The following ANXA6 variants were observed in gnomAD, a reference collection of about 807,000 sequenced individuals.
ANXA6 encodes the protein 67 kDa calelectrin.
ANXA6 carries 71 observed loss-of-function variants against 95.4 expected under a neutral mutation model. That is an observed-to-expected ratio of 0.74 (90% CI 0.61 to 0.91). The LOEUF (loss-of-function observed/expected upper bound fraction) is 0.91, where lower values mean the gene tolerates loss of function less well. ANXA6 is among the 40% of genes least tolerant of loss of function. ANXA6 has a pLI of 0.00. For synonymous variants in ANXA6, 289 were observed against 315.9 expected (o/e 0.91, Z 0.90); for missense variants, 830 against 876.4 (o/e 0.95, Z 0.67).
intron 1 of ANXA6, chr5:151,154,742 T>C (rs1766193468): frequency 6.6e-6 from 1 of 152,236 alleles, no homozygotes; most frequent in Non-Finnish European, 1.5e-5. Context: ...GAACCATTGA[T>C]CCTAGGACTG....
chr5:151,136,336 C>T lies in ANXA6; in HGVS notation c.410-1G>A. Reference sequence around the variant, plus strand: ...TCAGCCTCCAGGTCCCGCTCGTAGGCTGCAGAAAGGAACGCAAGCTCTAGT... The same window carrying T: ...TCAGCCTCCAGGTCCCGCTCGTAGGTTGCAGAAAGGAACGCAAGCTCTAGT... On this transcript the variant is annotated splice_acceptor_variant, in intron 6 of 25. Transcript: ENST00000354546. LOFTEE classifies it high-confidence loss of function. 6.2e-7 allele frequency: 1 copy of T among 1,613,856 alleles called. No individual in the cohort carries two copies. Among genetic ancestry groups the T allele is most frequent in the South Asian group, 1.1e-5 (1 of 91,082 alleles).
chr5:151,132,422 G>T, intron 10 of ANXA6, 54 bp downstream of exon 10: 1 of 1,346,400 alleles, frequency 7.4e-7, no homozygotes, highest in Non-Finnish European at 1.0e-6. Flanking sequence ...CTTGTTCCTA[G>T]GCCAGTGTTC....
At chr5:151,127,032 AG>A (rs113061604) in intron 13 of ANXA6, among the ~76,000 whole-genome samples, 35 of 152,338 alleles carry the variant, frequency 2.3e-4, no homozygotes, top group African/African-American at 8.2e-4. Flanking sequence ...CTGGCTTTTA[AG>A]GGCAGCCTTC....
chr5:151,119,514 G>T, intron 17 of ANXA6, 124 bp from the exon 18 acceptor site: 1 of 773,852 alleles, frequency 1.3e-6, no homozygotes, highest in Non-Finnish European at 2.2e-6. Flanking sequence ...CTCCAGACAT[G>T]GCCCTCAGGC....
At chr5:151,137,490 T>C (rs1487630970) in intron 5 of ANXA6, among the ~76,000 whole-genome samples, 169 bp from the exon 6 acceptor site, 2 of 152,142 alleles carry the variant, frequency 1.3e-5, no homozygotes, top group Admixed American at 6.5e-5. Flanking sequence ...TAAGACATGG[T>C]CATATGATTT....
At chr5:151,101,829 C>G (rs1249514859) in intron 25 of ANXA6, among the ~76,000 whole-genome samples, 1 of 152,188 alleles carries the variant, frequency 6.6e-6, no homozygotes, top group Non-Finnish European at 1.5e-5. Context: ...ACTCCCCTGT[C>G]CAACATGCCC....
At chr5:151,108,272 C>T (rs1764753904) in intron 23 of ANXA6, among the ~76,000 whole-genome samples, 183 bp downstream of exon 23, 1 of 152,140 alleles carries the variant, frequency 6.6e-6, no homozygotes, top group African/African-American at 2.4e-5. Flanking sequence ...CCCTCTCCTG[C>T]AGCCTCGCAC....
At chr5:151,109,135 G>A (rs866242941) in intron 22 of ANXA6, among the ~76,000 whole-genome samples, 1 of 152,002 alleles carries the variant, frequency 6.6e-6, no homozygotes, top group South Asian at 2.1e-4. Flanking sequence ...TGTTAAGTGG[G>A]GGATTCAAAT....
At chr5:151,141,203 G>C (rs968269602) in intron 2 of ANXA6, among the ~76,000 whole-genome samples, 1 of 152,208 alleles carries the variant, frequency 6.6e-6, no homozygotes, top group East Asian at 1.9e-4. Flanking sequence ...AAAAGTGGGG[G>C]GTCTGGGAGA....
intron 25 of ANXA6, among the ~76,000 whole-genome samples, chr5:151,101,729 C>G (rs992571576): frequency 2.6e-5 from 4 of 152,196 alleles, no homozygotes; most frequent in African/African-American, 9.6e-5. Context: ...GGCCTGGCTT[C>G]AAGGCCCTTT....
At chr5:151,122,096 G>T (rs1240290652) in intron 17 of ANXA6, 51 bp downstream of exon 17, 7 of 1,204,158 alleles carry the variant, frequency 5.8e-6, no homozygotes, top group Middle Eastern at 2.0e-4. Flanking sequence ...AGGATCACCT[G>T]TATCCCTATT....
chr5:151,128,946 CAAAAAAA>C (rs372400204), intron 12 of ANXA6, among the ~76,000 whole-genome samples: 5 of 127,792 alleles, frequency 3.9e-5, no homozygotes, highest in East Asian at 4.5e-4. Flanking sequence ...TTCAGTCATC[CAAAAAAA>C]AAAAAAAAAA....
At chr5:151,118,680 A>G (rs1301865469) in intron 18 of ANXA6, among the ~76,000 whole-genome samples, 1 of 152,040 alleles carries the variant, frequency 6.6e-6, no homozygotes, top group Admixed American at 6.6e-5. Context: ...GGGATCCACC[A>G]TCTCGGCCTC....
chr5:151,121,283 AGTTT>A (rs1164195848), intron 17 of ANXA6, among the ~76,000 whole-genome samples: 1 of 152,174 alleles, frequency 6.6e-6, no homozygotes. Flanking sequence ...TCCAAGTCTC[AGTTT>A]CCTCATCTGT....
Position 151,131,295 on chromosome 5 carries a change from A to G in ANXA6, c.737-6T>C, listed in dbSNP as rs778909975. 2 of 1,613,824 alleles carry G rather than the reference A, an allele frequency of 1.2e-6. No homozygotes were observed. Among genetic ancestry groups the G allele is most frequent in the South Asian group, 2.2e-5 (2 of 91,074 alleles). The stretch of plus-strand genomic sequence containing the variant: ...GGTGCTCCGGATACACTTCACTGTG[A>G]AGAGGGAGGAAGAGGTAGAGTTATT... On this transcript the variant is annotated splice_polypyrimidine_tract_variant and splice_region_variant and intron_variant, in intron 10 of 25. Transcript: ENST00000354546.
chr5:151,141,443 G>T, intron 2 of ANXA6: 1 of 888,650 alleles, frequency 1.1e-6, no homozygotes, highest in Non-Finnish European at 1.3e-6. Flanking sequence ...ATAAGGTAAT[G>T]TGGGAAAACA....
intron 14 of ANXA6, 88 bp from the exon 15 acceptor site, chr5:151,124,455 AC>A: frequency 7.4e-7 from 1 of 1,358,576 alleles, no homozygotes; most frequent in Non-Finnish European, 1.0e-6. Context: ...TGGGAAGCTC[AC>A]CCCATGAGCC....
chr5:151,121,993 G>A (rs1157877609), intron 17 of ANXA6, among the ~76,000 whole-genome samples, 154 bp downstream of exon 17: 2 of 152,166 alleles, frequency 1.3e-5, no homozygotes, highest in East Asian at 3.8e-4. Context: ...TTCAGTTATA[G>A]GAGCCAACAT....
intron 1 of ANXA6, among the ~76,000 whole-genome samples, chr5:151,149,856 T>C (rs1379964733): frequency 6.6e-6 from 1 of 151,936 alleles, no homozygotes; most frequent in Admixed American, 6.6e-5. Context: ...CAGTGGCTCA[T>C]GCCTGTAATC....
Sources: gnomAD v4.1 joint callset for allele counts (sites outside exome capture counted in the v4.1 genomes callset) on GRCh38, gnomAD v4.1.1 for gene constraint, MANE v1.5 for transcripts, NCBI Gene and HGNC (gene_info 2026-07-23, HGNC 2026-07-21) for gene names.